The following ROS1 variants were observed in gnomAD, a reference collection of about 807,000 sequenced individuals.
ROS1 encodes the protein ROS proto-oncogene 1, receptor tyrosine kinase.
Under a neutral mutation model 273.5 loss-of-function variants are expected in ROS1, and 263 were observed. The ratio of observed to expected loss-of-function variants is 0.96; its 90% CI spans 0.87 to 1.06. The LOEUF is 1.06. Ranked by LOEUF, ROS1 falls within the 50% of genes least tolerant of loss-of-function variation. The pLI, the probability that ROS1 is intolerant of heterozygous loss-of-function variation, is 0.00. For missense variants in ROS1, 2,833 were observed against 2,751.1 expected (o/e 1.03, Z -0.67); for synonymous variants, 1,008 against 954.1 (o/e 1.06, Z -1.04).
chr6:117,383,252 A>G, intron 17 of ROS1, 65 bp downstream of exon 17: 1 of 1,249,018 alleles, frequency 8.0e-7, no homozygotes, highest in Non-Finnish European at 1.1e-6. Context: ...TAAGCGAGAG[A>G]AAGTATTATC....
chr6:117,353,545 C>T (rs1486961550), intron 26 of ROS1, among the ~76,000 whole-genome samples: 1 of 152,156 alleles, frequency 6.6e-6, no homozygotes, highest in South Asian at 2.1e-4. Context: ...GCATAGGGCT[C>T]AGTGCATTTC....
chr6:117,415,350 T>C (rs769527957), intron 3 of ROS1, among the ~76,000 whole-genome samples: 4 of 152,216 alleles, frequency 2.6e-5, no homozygotes, highest in Non-Finnish European at 1.5e-5. Context: ...AAACTATGTA[T>C]ATAAAAAGAG....
intron 5 of ROS1, 22 bp downstream of exon 5, chr6:117,409,560 A>G: frequency 6.2e-7 from 1 of 1,600,312 alleles, no homozygotes; most frequent in Non-Finnish European, 8.6e-7. Flanking sequence ...CTATTTTTTA[A>G]AAGTCGTGTG....
At chr6:117,316,121 A>C (rs1775900604) in intron 39 of ROS1, among the ~76,000 whole-genome samples, 1 of 152,116 alleles carries the variant, frequency 6.6e-6, no homozygotes. Context: ...TGAGGCAAGC[A>C]AAGTTTTCCT....
intron 4 of ROS1, among the ~76,000 whole-genome samples, chr6:117,410,345 A>G (rs1207656464): frequency 6.6e-6 from 1 of 152,196 alleles, no homozygotes; most frequent in Non-Finnish European, 1.5e-5. Context: ...CTTAGGGATT[A>G]CCTATTTATT....
At chr6:117,328,726 C>T (rs1776825137) in intron 33 of ROS1, 2 of 613,600 alleles carry the variant, frequency 3.3e-6, no homozygotes, top group Non-Finnish European at 6.5e-6. Context: ...TCCTTCTAAG[C>T]CAGTTATGGT....
chr6:117,393,506 T>C (rs1012246322), intron 11 of ROS1, among the ~76,000 whole-genome samples, 185 bp from the exon 12 acceptor site: 1 of 152,192 alleles, frequency 6.6e-6, no homozygotes, highest in African/African-American at 2.4e-5. Flanking sequence ...AATGAATTTA[T>C]ACATTATTGA....
chr6:117,323,589 G>A (rs556905302), intron 35 of ROS1, among the ~76,000 whole-genome samples: 1 of 152,204 alleles, frequency 6.6e-6, no homozygotes, highest in South Asian at 2.1e-4. Context: ...GAAAGAAAGT[G>A]CTATTATTAT....
chr6:117,334,809 G>T (rs1395355346), intron 32 of ROS1, among the ~76,000 whole-genome samples: 2 of 151,860 alleles, frequency 1.3e-5, no homozygotes, highest in African/African-American at 4.8e-5. Context: ...CTGAAACTGG[G>T]CCCATTCCTT....
intron 18 of ROS1, among the ~76,000 whole-genome samples, chr6:117,370,106 C>A (rs935756215): frequency 5.3e-5 from 8 of 152,140 alleles, no homozygotes; most frequent in African/African-American, 1.9e-4. Flanking sequence ...CATACATACA[C>A]TCCTTTTTCA....
At chr6:117,404,169 T>A in intron 6 of ROS1, 111 bp downstream of exon 6, 12 of 979,928 alleles carry the variant, frequency 1.2e-5, no homozygotes, top group Non-Finnish European at 1.7e-5. Flanking sequence ...TGCAGTAAGC[T>A]GAGATCGCGC....
Position 117,425,757 on chromosome 6 carries a change from T to C in ROS1, c.-101A>G. 7.7e-7 allele frequency: 1 copy of C among 1,302,604 alleles called. No individual in the cohort carries two copies. Among genetic ancestry groups the C allele is most frequent in the Non-Finnish European group, 1.1e-6 (1 of 926,316 alleles). The allele number at this position is 1,302,604 out of a possible 1,614,324, so 80.7% of individuals were successfully genotyped here. On this transcript the variant is annotated 5_prime_UTR_variant, in exon 1 of 44. Coordinates refer to ENST00000368507, the MANE Select transcript of ROS1 (RefSeq NM_001378902.1). The stretch of plus-strand genomic sequence containing the variant: ...TCACTTCAATTGGAGGAGTAGCTGA[T>C]GGATTTTGCTTTGTTTGTTTTGCTA...
At chr6:117,394,895 T>A (rs1773372641) in intron 9 of ROS1, among the ~76,000 whole-genome samples, 157 bp from the exon 10 acceptor site, 1 of 152,224 alleles carries the variant, frequency 6.6e-6, no homozygotes, top group Non-Finnish European at 1.5e-5. Context: ...GCATCTATGG[T>A]ATAACTCACA....
intron 26 of ROS1, among the ~76,000 whole-genome samples, chr6:117,353,511 C>A (rs947129737): frequency 6.6e-6 from 1 of 152,144 alleles, no homozygotes; most frequent in Non-Finnish European, 1.5e-5. Flanking sequence ...ATAATGCCAA[C>A]CTGAGGGAAA....
chr6:117,396,914 C>T lies in ROS1; in HGVS notation c.806+1G>A, dbSNP rs1387248855. 6.2e-7 allele frequency: 1 copy of T among 1,601,666 alleles called. No homozygotes were observed. Among genetic ancestry groups the T allele is most frequent in the Non-Finnish European group, 8.6e-7 (1 of 1,168,876 alleles). On this transcript the variant is annotated splice_donor_variant, in intron 8 of 43. Transcript: ENST00000368507. LOFTEE classifies it high-confidence loss of function. ...TTTCCTCTGTATCACTTAATTCTTACCTGTAGATAGTATTTGGTAAAGTGG... is the reference window on the plus strand; with the variant it reads ...TTTCCTCTGTATCACTTAATTCTTATCTGTAGATAGTATTTGGTAAAGTGG...
At position 117,288,714 on chromosome 6, in the gene ROS1, A is replaced by G. The variant is rs754854156; in HGVS notation, c.6804T>C (p.Tyr2268=). 8 of 1,614,166 alleles carry G rather than the reference A, an allele frequency of 5.0e-6. No individual in the cohort carries two copies. The South Asian group carries it at 7.7e-5, about 16-fold the overall frequency. The part of the protein sequence containing the change: ...METKNREGLN[Y]MVLATECGQG... ...GGCCACATTCTGTAGCAAGTACCAT[A>G]TAGTTTAACCCTTCTCGGTTCTTCG... The change falls in exon 44 of 44, where the codon TAT becomes TAC. Residue 2268 remains tyrosine, a synonymous_variant. Transcript: ENST00000368507.
intron 1 of ROS1, among the ~76,000 whole-genome samples, chr6:117,422,595 C>T (rs1301211419): frequency 6.6e-6 from 1 of 151,916 alleles, no homozygotes; most frequent in Non-Finnish European, 1.5e-5. Context: ...TATTGATATA[C>T]AAGACAATTT....
At chr6:117,393,200 C>A (rs1773205551) in intron 12 of ROS1, 24 bp downstream of exon 12, 1 of 1,308,778 alleles carries the variant, frequency 7.6e-7, no homozygotes, top group South Asian at 1.2e-5. Context: ...GAAGAGAATT[C>A]ATCTTTACAA....
intron 7 of ROS1, among the ~76,000 whole-genome samples, chr6:117,400,906 A>G (rs2354342): frequency 0.27 from 41,065 of 152,072 alleles, 5,886 homozygotes; most frequent in South Asian, 0.42. Flanking sequence ...AAATCCTTCC[A>G]TTTAATTGCT....
Sources: allele counts gnomAD v4.1 joint callset (sites outside exome capture counted in the v4.1 genomes callset), GRCh38; gene constraint gnomAD v4.1.1; transcripts MANE v1.5; gene names NCBI Gene and HGNC (gene_info 2026-07-23, HGNC 2026-07-21).